The following ELMO1 variants were observed in gnomAD, a reference collection of about 807,000 sequenced individuals.
The protein encoded by ELMO1 is engulfment and cell motility 1.
A neutral mutation model predicts 98.9 loss-of-function variants in ELMO1; 26 were observed. The observed-to-expected ratio is 0.26, with a 90% CI of 0.19 to 0.36. ELMO1 has a LOEUF of 0.36. Among genes scored for constraint, ELMO1 ranks in the 10% least tolerant of loss-of-function variants. The probability of loss-of-function intolerance (pLI) is 1.00; values close to 1 mark genes in which losing one functional copy is unlikely to be tolerated. For synonymous variants in ELMO1, 346 were observed against 346.0 expected (o/e 1.00, Z 0.00); for missense variants, 627 against 935.2 (o/e 0.67, Z 4.30).
chr7:36,917,781 G>A (rs541807496), intron 16 of ELMO1, among the ~76,000 whole-genome samples: 1 of 152,206 alleles, frequency 6.6e-6, no homozygotes, highest in South Asian at 2.1e-4. Flanking sequence ...GTCCCCAAGG[G>A]TCACAAATAA....
chr7:36,995,791 T>C (rs1792169263), intron 16 of ELMO1, among the ~76,000 whole-genome samples: 1 of 152,136 alleles, frequency 6.6e-6, no homozygotes, highest in Non-Finnish European at 1.5e-5. Flanking sequence ...ATCTTTGTTT[T>C]CCCCCCTTGA....
At chr7:37,343,491 T>A (rs866246845) in intron 1 of ELMO1, among the ~76,000 whole-genome samples, 3 of 65,736 alleles carry the variant, frequency 4.6e-5, no homozygotes, top group African/African-American at 2.0e-4. Context: ...CCATTTCTTT[T>A]TTTTTTTTTT....
intron 16 of ELMO1, among the ~76,000 whole-genome samples, chr7:36,943,150 G>A (rs752316886): frequency 3.0e-4 from 45 of 152,300 alleles, no homozygotes; most frequent in Non-Finnish European, 5.6e-4. Context: ...TGGGGACAAC[G>A]CTGGCCACTG....
intron 4 of ELMO1, among the ~76,000 whole-genome samples, chr7:37,304,087 A>G (rs969421880): frequency 7.9e-5 from 12 of 152,128 alleles, no homozygotes; most frequent in African/African-American, 2.9e-4. Context: ...AGTCCTCTCT[A>G]GAGGAAACAT....
At chr7:36,902,343 G>A (rs1327280565) in intron 16 of ELMO1, among the ~76,000 whole-genome samples, 1 of 152,214 alleles carries the variant, frequency 6.6e-6, no homozygotes, top group African/African-American at 2.4e-5. Context: ...TGTTTCTTCA[G>A]TGTGTCCCTA....
chr7:37,329,701 T>G (rs1407827242), intron 2 of ELMO1, among the ~76,000 whole-genome samples: 1 of 152,206 alleles, frequency 6.6e-6, no homozygotes, highest in Non-Finnish European at 1.5e-5. Context: ...GTTTTCTATC[T>G]TGGCAGGTGT....
chr7:37,282,285 T>C lies in ELMO1; in HGVS notation c.193-10403A>G, dbSNP rs141903151. On this transcript the variant is annotated intron_variant, in intron 4 of 21. Transcript: ENST00000310758. ...CTCCAGCATCTTCCCTGGCTCTGTC[T>C]CTTCTCACTCCCTCTCCATCCTTGT... Among the ~76,000 whole-genome samples the C allele has an allele frequency of 2.5e-3, 384 of 152,334 alleles. 3 individuals carry two copies. Among genetic ancestry groups the C allele is most frequent in the Middle Eastern group, 6.8e-3 (2 of 294 alleles).
At chr7:37,209,974 GTATT>G (rs1357047812) in intron 13 of ELMO1, among the ~76,000 whole-genome samples, 1 of 152,210 alleles carries the variant, frequency 6.6e-6, no homozygotes, top group Non-Finnish European at 1.5e-5. Context: ...TATGCAGTAA[GTATT>G]CTTATTTAAA....
At chr7:37,026,817 C>T (rs1424104612) in intron 15 of ELMO1, among the ~76,000 whole-genome samples, 2 of 152,140 alleles carry the variant, frequency 1.3e-5, no homozygotes, top group African/African-American at 4.8e-5. Flanking sequence ...TATTTGGATT[C>T]CCACGCCTGA....
chr7:37,353,034 TAA>T (rs1245329131), intron 1 of ELMO1: 3 of 152,232 alleles, frequency 2.0e-5, no homozygotes, highest in African/African-American at 7.2e-5. Context: ...GGTTCTACCT[TAA>T]GACTGCCAAT....
intron 14 of ELMO1, among the ~76,000 whole-genome samples, chr7:37,120,165 C>T (rs979081114): frequency 3.9e-5 from 6 of 152,108 alleles, no homozygotes; most frequent in African/African-American, 1.4e-4. Context: ...GTCCAGGTTC[C>T]AAGATGGCCA....
At chr7:37,298,304 GT>G (rs11355652) in intron 4 of ELMO1, among the ~76,000 whole-genome samples, 109,732 of 126,168 alleles carry the variant, frequency 0.87, 47,731 homozygotes, top group Non-Finnish European at 0.91. Context: ...TTTTTTAAGA[GT>G]TTTTTTTTTT....
In ELMO1 at chr7:37,279,490, G is replaced by C. The variant is rs554259634; in HGVS notation, c.193-7608C>G. ...GCAGACTGGCTCCTGCAATACCCGG[G>C]AGACACCCCAAATACTGTGAGTGCC... On this transcript the variant is annotated intron_variant, in intron 4 of 21. Transcript: ENST00000310758. Among the ~76,000 whole-genome samples the C allele has an allele frequency of 2.6e-5, 4 of 152,278 alleles. No homozygotes were observed. In the East Asian group the frequency reaches 7.7e-4, roughly 29 times the overall value.
intron 21 of ELMO1, among the ~76,000 whole-genome samples, chr7:36,859,925 C>G (rs1451726561): frequency 6.6e-6 from 1 of 152,092 alleles, no homozygotes; most frequent in Non-Finnish European, 1.5e-5. Context: ...CCTCTGCCAC[C>G]CCTGAGACCT....
rs78947126 is a variant in ELMO1, at chr7:37,113,085, C to G, written c.1192-16358G>C. Among the ~76,000 whole-genome samples, 1,158 of 152,332 alleles carry G rather than the reference C, an allele frequency of 7.6e-3. 15 individuals carry two copies. Among genetic ancestry groups the G allele is most frequent in the African/African-American group, 0.025 (1,056 of 41,570 alleles). ...TATAGTTTCTAATTTGGTTTTCACT[C>G]CAGGACGGACAAAGGCCAGAAAGGC... On this transcript the variant is annotated intron_variant, in intron 14 of 21. Transcript: ENST00000310758.
At chr7:36,973,618 C>CCT (rs1252119600) in intron 16 of ELMO1, among the ~76,000 whole-genome samples, 3 of 152,206 alleles carry the variant, frequency 2.0e-5, no homozygotes, top group African/African-American at 7.2e-5. Flanking sequence ...CTCGGTGACT[C>CCT]CTCTGCCTGG....
chr7:37,176,221 T>C (rs1042144601), intron 13 of ELMO1, among the ~76,000 whole-genome samples: 9 of 152,238 alleles, frequency 5.9e-5, no homozygotes, highest in African/African-American at 1.9e-4. Context: ...TCGACTGTTA[T>C]ACTTTCACTG....
intron 14 of ELMO1, among the ~76,000 whole-genome samples, chr7:37,122,618 A>C (rs1786148075): frequency 6.6e-6 from 1 of 152,228 alleles, no homozygotes; most frequent in Non-Finnish European, 1.5e-5. Flanking sequence ...CCAATACAGG[A>C]GCACCAGATT....
intron 4 of ELMO1, among the ~76,000 whole-genome samples, chr7:37,311,535 A>T (rs1268112354): frequency 6.6e-6 from 1 of 152,212 alleles, no homozygotes; most frequent in African/African-American, 2.4e-5. Context: ...CATTATTTTT[A>T]AAATGGGAAA....
Sources: gnomAD v4.1 joint callset for allele counts (sites outside exome capture counted in the v4.1 genomes callset) on GRCh38, gnomAD v4.1.1 for gene constraint, MANE v1.5 for transcripts, NCBI Gene and HGNC (gene_info 2026-07-23, HGNC 2026-07-21) for gene names.